PXDC1: variants seen among roughly 807,000 people sequenced by gnomAD.
PXDC1 encodes the protein PX domain containing 1.
PXDC1 carries 13 observed loss-of-function variants against 24.4 expected under a neutral mutation model. The observed-to-expected ratio is 0.53, with a 90% confidence interval of 0.35 to 0.85. PXDC1 has a LOEUF of 0.85. Ranked by LOEUF, PXDC1 falls within the 40% of genes least tolerant of loss-of-function variation. PXDC1 has a pLI of 0.01. For synonymous variants in PXDC1, 162 were observed against 124.9 expected, an observed-to-expected ratio of 1.30 and a Z score of -1.98; for missense variants, 344 against 309.3, an observed-to-expected ratio of 1.11 and a Z score of -0.84.
At chr6:3,738,171 C>A in intron 1 of PXDC1, 23 bp from the exon 2 acceptor site, 2 of 1,591,706 alleles carry the variant, frequency 1.3e-6, no homozygotes, top group South Asian at 2.2e-5. Flanking sequence ...CAGAAATGCT[C>A]AAAGTCAGAA....
chr6:3,737,754 G>A lies in PXDC1; in HGVS notation c.348+303C>T. 8 of 887,882 alleles carry A rather than the reference G, an allele frequency of 9.0e-6. No individual in the cohort carries two copies. The highest frequency in any genetic ancestry group is 1.1e-5 in the Non-Finnish European group (8 of 740,998). The allele number at this position is 887,882 out of a possible 1,614,324, so 55.0% of individuals were successfully genotyped here. ...TTCTGAGCAGAGGCAGAAAGCAAAGGCCTCCTGCAGCCAGAGGGGATCCGC... is the reference window on the plus strand; with the variant it reads ...TTCTGAGCAGAGGCAGAAAGCAAAGACCTCCTGCAGCCAGAGGGGATCCGC... On this transcript the variant is annotated intron_variant, in intron 2 of 4. Transcript: ENST00000380283. This position sits in a 1 kb window ranked among gnomAD's most constrained non-coding sequence, Gnocchi z 5.5.
chr6:3,727,152 T>C (rs896279584), intron 4 of PXDC1, among the ~76,000 whole-genome samples: 3 of 152,192 alleles, frequency 2.0e-5, no homozygotes, highest in African/African-American at 7.2e-5. Context: ...GCCTCAGTAA[T>C]CAGATACATC....
At position 3,730,139 on chromosome 6, in the gene PXDC1, C is replaced by T. The variant is rs373676867; in HGVS notation, c.467-2477G>A. ...TGCATGGACCTTGCTGTCTCAGGCCCGGCCCAGAGAGGGACTTCGCTTAGA... is the reference window on the plus strand; with the variant it reads ...TGCATGGACCTTGCTGTCTCAGGCCTGGCCCAGAGAGGGACTTCGCTTAGA... On this transcript the variant is annotated intron_variant, in intron 3 of 4. Coordinates refer to ENST00000380283, the MANE Select transcript of PXDC1 (RefSeq NM_183373.4). Among the ~76,000 whole-genome samples, 28 of 152,240 alleles carry T rather than the reference C, an allele frequency of 1.8e-4. No individual in the cohort carries two copies. The East Asian group carries it at 4.3e-3, about 23-fold the overall frequency.
intron 3 of PXDC1, among the ~76,000 whole-genome samples, chr6:3,729,097 G>A (rs9328187): frequency 0.41 from 62,586 of 151,844 alleles, 15,255 homozygotes; most frequent in Non-Finnish European, 0.55. Flanking sequence ...CAGGAACATC[G>A]CTCACTGCCC....
Position 3,737,785 on chromosome 6 carries a change from T to G in PXDC1, c.348+272A>C. 3.3e-6 allele frequency: 2 copies of G among 598,962 alleles called. No individual in the cohort carries two copies. Among genetic ancestry groups the G allele is most frequent in the Non-Finnish European group, 4.2e-6 (2 of 477,152 alleles). The allele number at this position is 598,962 out of a possible 1,614,324, so 37.1% of individuals were successfully genotyped here. A position where few individuals can be genotyped will look rare whatever the true frequency, so the allele number is the denominator to read the frequency against. ...TGCAGCCAGAGGGGATCCGCACCCT[T>G]CCACCCATGCCTCCTTGCATCCCTC... On this transcript the variant is annotated intron_variant, in intron 2 of 4. Transcript: ENST00000380283. This position sits in a 1 kb window ranked among gnomAD's most constrained non-coding sequence, Gnocchi z 5.5.
At chr6:3,744,850 C>T (rs993195204) in intron 1 of PXDC1, among the ~76,000 whole-genome samples, 19 of 152,344 alleles carry the variant, frequency 1.2e-4, no homozygotes, top group African/African-American at 4.3e-4. Context: ...GGCATGCGCG[C>T]TACCAGGCTC....
chr6:3,736,796 A>ACT (rs1760326595), intron 3 of PXDC1, among the ~76,000 whole-genome samples: 1 of 152,138 alleles, frequency 6.6e-6, no homozygotes, highest in Non-Finnish European at 1.5e-5. Context: ...TTTGCTTCAA[A>ACT]CTCTATCATC....
intron 3 of PXDC1, among the ~76,000 whole-genome samples, chr6:3,730,615 C>T (rs1333471571): frequency 6.6e-6 from 1 of 152,176 alleles, no homozygotes; most frequent in Non-Finnish European, 1.5e-5. Flanking sequence ...GTAGCCTGTG[C>T]CCCGTTTCAA....
chr6:3,751,201 G>T, intron 1 of PXDC1, 75 bp downstream of exon 1: 1 of 1,169,086 alleles, frequency 8.6e-7, no homozygotes, highest in Non-Finnish European at 1.1e-6. Flanking sequence ...CTCGGTTGAA[G>T]TCTCTTCCCC....
intron 1 of PXDC1, 43 bp downstream of exon 1, chr6:3,751,233 G>A (rs768491591): frequency 7.2e-7 from 1 of 1,383,848 alleles, no homozygotes; most frequent in Admixed American, 2.9e-5. Context: ...GCACTTCAAG[G>A]CTGCCTCGGC....
intron 3 of PXDC1, among the ~76,000 whole-genome samples, chr6:3,731,034 T>C (rs935174402): frequency 2.0e-5 from 3 of 152,220 alleles, no homozygotes; most frequent in Non-Finnish European, 2.9e-5. Context: ...ATCTAGCAAA[T>C]ACTGAGGGCT....
chr6:3,738,137 T>C lies in PXDC1; in HGVS notation c.268A>G (p.Ile90Val), dbSNP rs756767120. Residue 90 changes from isoleucine (I) to valine (V), a missense_variant, in exon 2 of 5, where the codon ATA (isoleucine) becomes GTA (valine). Coordinates refer to ENST00000380283, the MANE Select transcript of PXDC1 (RefSeq NM_183373.4). ...GTCTCTATGTCGTGGGCTTCCTTTA[T>C]GGCAACCAGTCCTAGAATTGAGACA... is the stretch of plus-strand genomic sequence containing the variant. ...QGPLRQGLVAIKEAHDIETRL... is the reference protein window; with the variant it reads ...QGPLRQGLVAVKEAHDIETRL... The C allele has an allele frequency of 7.4e-6, 12 of 1,613,742 alleles. No individual in the cohort carries two copies. The Admixed American group carries it at 1.8e-4, about 25-fold the overall frequency.
intron 3 of PXDC1, among the ~76,000 whole-genome samples, chr6:3,731,596 T>A (rs1333414747): frequency 6.6e-6 from 1 of 152,234 alleles, no homozygotes; most frequent in East Asian, 1.9e-4. Flanking sequence ...ATGAAAGACC[T>A]CCTTCACTTG....
chr6:3,750,579 A>G (rs1344383186), intron 1 of PXDC1, among the ~76,000 whole-genome samples: 1 of 152,206 alleles, frequency 6.6e-6, no homozygotes. Flanking sequence ...GGAAAAGGGA[A>G]GCCACCGCGG....
In PXDC1 at chr6:3,728,459, A is replaced by T. The variant is rs932303745; in HGVS notation, c.467-797T>A. On this transcript the variant is annotated intron_variant, in intron 3 of 4. Transcript: ENST00000380283. The surrounding 1 kb of genome is among the most constrained non-coding windows in gnomAD (Gnocchi z 4.0). ...TTCGCTTTATGTAATTCTGTATGTAAATGATTTTTTTCCCAAATAAGCACA... is the reference window on the plus strand; with the variant it reads ...TTCGCTTTATGTAATTCTGTATGTATATGATTTTTTTCCCAAATAAGCACA... 5.3e-5 allele frequency among the ~76,000 whole-genome samples: 8 copies of T among 152,118 alleles called. No homozygotes were observed. Among genetic ancestry groups the T allele is most frequent in the African/African-American group, 1.9e-4 (8 of 41,408 alleles).
At chr6:3,735,806 T>TAA (rs1760303903) in intron 3 of PXDC1, among the ~76,000 whole-genome samples, 2 of 152,192 alleles carry the variant, frequency 1.3e-5, no homozygotes, top group African/African-American at 4.8e-5. Context: ...ATGGAAATGC[T>TAA]AAATACTCTG....
chr6:3,743,579 T>C (rs1760497363), intron 1 of PXDC1, among the ~76,000 whole-genome samples: 1 of 152,188 alleles, frequency 6.6e-6, no homozygotes, highest in Non-Finnish European at 1.5e-5. Flanking sequence ...CCTAAGTACC[T>C]GTTTTCTAAA....
intron 3 of PXDC1, among the ~76,000 whole-genome samples, chr6:3,729,035 T>C (rs945339316): frequency 6.6e-6 from 1 of 152,084 alleles, no homozygotes; most frequent in African/African-American, 2.4e-5. Context: ...TTCTTCCCAT[T>C]CAGGACACAG....
intron 1 of PXDC1, among the ~76,000 whole-genome samples, chr6:3,749,776 C>T (rs904499739): frequency 1.3e-5 from 2 of 152,106 alleles, no homozygotes; most frequent in African/African-American, 2.4e-5. Flanking sequence ...GGGAGCCCCA[C>T]GGGGATCCCG....
Sources: gnomAD v4.1 joint callset for allele counts (sites outside exome capture counted in the v4.1 genomes callset) on GRCh38, gnomAD v4.1.1 for gene constraint, Gnocchi (gnomAD v3.1) non-coding constraint, MANE v1.5 for transcripts, NCBI Gene and HGNC (gene_info 2026-07-23, HGNC 2026-07-21) for gene names.